The following IL1RAPL2 variants were observed in gnomAD, a reference collection of about 807,000 sequenced individuals.
IL1RAPL2 encodes interleukin 1 receptor accessory protein like 2.
A neutral mutation model predicts 44.1 loss-of-function variants in IL1RAPL2; 3 were observed. The observed-to-expected ratio is 0.07, with a 90% confidence interval of 0.03 to 0.18. IL1RAPL2 has a LOEUF of 0.18. Ranked by LOEUF, IL1RAPL2 falls within the 10% of genes least tolerant of loss-of-function variation. IL1RAPL2 has a pLI of 1.00. For synonymous variants in IL1RAPL2, 181 were observed against 178.8 expected, an observed-to-expected ratio of 1.01 and a Z score of -0.10; for missense variants, 391 against 496.4, an observed-to-expected ratio of 0.79 and a Z score of 2.02.
intron 2 of IL1RAPL2, among the ~76,000 whole-genome samples, chrX:105,139,514 A>G (rs1285771834): frequency 8.9e-6 from 1 of 111,819 alleles, no homozygotes; most frequent in Non-Finnish European, 1.9e-5. Context: ...CTTCTAAACA[A>G]TAGAAATTTA....
At position 104,693,943 on chromosome X, in the gene IL1RAPL2, G is replaced by A. The variant is rs756805219; in HGVS notation, c.82+34948G>A. Among the ~76,000 whole-genome samples, 12 of 111,724 alleles carry A rather than the reference G, an allele frequency of 1.1e-4. No homozygotes were observed. In the South Asian group the frequency reaches 4.6e-3, roughly 43 times the overall value. ...GTAATAGCTCATAATGACTCTGAAA[G>A]AACTGTCTAGCCAATCTTGCCAAAA... On this transcript the variant is annotated intron_variant, in intron 2 of 10. Coordinates refer to ENST00000372582, the MANE Select transcript of IL1RAPL2 (RefSeq NM_017416.2).
At chrX:104,915,795 C>A (rs1285835861) in intron 2 of IL1RAPL2, among the ~76,000 whole-genome samples, 31 of 111,405 alleles carry the variant, frequency 2.8e-4, no homozygotes, top group South Asian at 7.5e-4. Flanking sequence ...ATGGCTAGCC[C>A]GTTTTCCCAG....
chrX:105,276,861 G>A (rs1569417104), intron 5 of IL1RAPL2, among the ~76,000 whole-genome samples: 1 of 111,784 alleles, frequency 8.9e-6, no homozygotes, highest in Non-Finnish European at 1.9e-5. Context: ...GAAGTGGCCT[G>A]GAGAGCAGTT....
At position 104,786,812 on chromosome X, in the gene IL1RAPL2, T is replaced by C. The variant is rs745340112; in HGVS notation, c.82+127817T>C. ...CATAAAAATATAAGATTTGAGGTGC[T>C]AAGGAAACCCAGAGGGGAACTTAAC... is the stretch of plus-strand genomic sequence containing the variant. On this transcript the variant is annotated intron_variant, in intron 2 of 10. Coordinates refer to ENST00000372582, the MANE Select transcript of IL1RAPL2 (RefSeq NM_017416.2). Among the ~76,000 whole-genome samples the C allele has an allele frequency of 3.0e-3, 334 of 110,881 alleles. 1 individual carries two copies. Among genetic ancestry groups the C allele is most frequent in the African/African-American group, 0.01 (305 of 30,477 alleles).
intron 6 of IL1RAPL2, among the ~76,000 whole-genome samples, chrX:105,575,370 C>T (rs1219552774): frequency 9.0e-6 from 1 of 110,942 alleles, no homozygotes; most frequent in Non-Finnish European, 1.9e-5. Context: ...TGTTGTTCAC[C>T]TCTATGTGTC....
chrX:105,529,068 A>G (rs1448191680), intron 6 of IL1RAPL2, among the ~76,000 whole-genome samples: 1 of 111,658 alleles, frequency 9.0e-6, no homozygotes, highest in East Asian at 2.8e-4. Flanking sequence ...CATGACATTG[A>G]CATTTTTGAA....
intron 2 of IL1RAPL2, among the ~76,000 whole-genome samples, chrX:105,081,269 T>G (rs1228154260): frequency 9.0e-6 from 1 of 111,536 alleles, no homozygotes; most frequent in African/African-American, 3.3e-5. Flanking sequence ...ATAGGAATGG[T>G]GAGAGACTGC....
intron 2 of IL1RAPL2, among the ~76,000 whole-genome samples, chrX:105,190,430 G>T (rs919219032): frequency 2.7e-5 from 3 of 112,228 alleles, no homozygotes; most frequent in South Asian, 3.7e-4. Context: ...TGGACAGCTC[G>T]CCCTCTAGTG....
At chrX:104,994,553 C>T (rs2030715924) in intron 2 of IL1RAPL2, among the ~76,000 whole-genome samples, 1 of 111,264 alleles carries the variant, frequency 9.0e-6, no homozygotes, top group Admixed American at 9.6e-5. Flanking sequence ...AATAAGCAAA[C>T]AGAATAAGGG....
intron 1 of IL1RAPL2, among the ~76,000 whole-genome samples, chrX:104,640,979 A>G (rs1929923107): frequency 8.9e-6 from 1 of 112,239 alleles, no homozygotes; most frequent in Admixed American, 9.4e-5. Context: ...TTGGGCCTTC[A>G]GGTGGCTTGC....
At chrX:105,435,298 A>G (rs974035902) in intron 5 of IL1RAPL2, among the ~76,000 whole-genome samples, 2 of 112,003 alleles carry the variant, frequency 1.8e-5, no homozygotes, top group African/African-American at 6.5e-5. Context: ...AAAAAGCTCA[A>G]CATCACTGAT....
intron 2 of IL1RAPL2, among the ~76,000 whole-genome samples, chrX:105,074,153 T>C (rs946716696): frequency 1.8e-5 from 2 of 111,889 alleles, no homozygotes; most frequent in Non-Finnish European, 3.8e-5. Flanking sequence ...CAGGTTTTCT[T>C]CTAGGGTTTT....
At chrX:105,598,799 A>C (rs776950719) in intron 6 of IL1RAPL2, among the ~76,000 whole-genome samples, 1 of 112,400 alleles carries the variant, frequency 8.9e-6, no homozygotes, top group Admixed American at 9.4e-5. Flanking sequence ...CATCAGAGAT[A>C]TATTTTCTCT....
chrX:105,439,868 T>G (rs2035908682), intron 5 of IL1RAPL2, among the ~76,000 whole-genome samples: 2 of 111,761 alleles, frequency 1.8e-5, no homozygotes, highest in South Asian at 7.4e-4. Flanking sequence ...TAAATCTGAG[T>G]TAAAAGATAG....
At chrX:104,674,446 C>T (rs182215515) in intron 2 of IL1RAPL2, among the ~76,000 whole-genome samples, 5,958 of 111,595 alleles carry the variant, frequency 0.053, 420 homozygotes, top group African/African-American at 0.19. Context: ...AGGGATGAAG[C>T]CCACTTGATC....
At chrX:105,582,703 T>TA (rs2037097389) in intron 6 of IL1RAPL2, among the ~76,000 whole-genome samples, 1 of 109,443 alleles carries the variant, frequency 9.1e-6, no homozygotes, top group African/African-American at 3.3e-5. Context: ...TTTTTTTTTT[T>TA]AAATCATTAG....
intron 5 of IL1RAPL2, among the ~76,000 whole-genome samples, chrX:105,423,810 T>C (rs1000902155): frequency 9.2e-6 from 1 of 109,130 alleles, no homozygotes. Context: ...ATAAAGGAGT[T>C]ACCTACCTTC....
chrX:105,243,383 C>T (rs1178226311), intron 4 of IL1RAPL2, among the ~76,000 whole-genome samples: 1 of 109,100 alleles, frequency 9.2e-6, no homozygotes, highest in Non-Finnish European at 1.9e-5. Context: ...TTCCTGGGGC[C>T]TCCCCAGCCA....
intron 1 of IL1RAPL2, among the ~76,000 whole-genome samples, chrX:104,644,553 A>T (rs1929997426): frequency 1.8e-5 from 2 of 110,495 alleles, no homozygotes; most frequent in African/African-American, 3.3e-5. Flanking sequence ...CCTTTTTTTA[A>T]TCTGTTTTTT....
Sources: allele counts gnomAD v4.1 joint callset (sites outside exome capture counted in the v4.1 genomes callset), GRCh38; gene constraint gnomAD v4.1.1; transcripts MANE v1.5; gene names NCBI Gene and HGNC (gene_info 2026-07-23, HGNC 2026-07-21).